UXS1: variants seen among roughly 807,000 people sequenced by gnomAD.
UXS1 encodes the protein UDP-glucuronate decarboxylase 1, also known as UDP-glucuronic acid decarboxylase 1.
UXS1 carries 33 observed loss-of-function variants against 62.6 expected under a neutral mutation model. The ratio of observed to expected loss-of-function variants is 0.53; its 90% CI spans 0.40 to 0.70. The LOEUF (loss-of-function observed/expected upper bound fraction) is 0.70, where lower values mean the gene tolerates loss of function less well. UXS1 is among the 30% of genes least tolerant of loss of function. UXS1 has a pLI of 0.00. For synonymous variants in UXS1, 213 were observed against 206.8 expected (o/e 1.03, Z -0.26); for missense variants, 434 against 556.3 (o/e 0.78, Z 2.21).
At chr2:106,112,545 A>C in intron 10 of UXS1, 101 bp downstream of exon 10, 1 of 1,504,922 alleles carries the variant, frequency 6.6e-7, no homozygotes, top group Non-Finnish European at 8.9e-7. Context: ...GCAGCTTCAG[A>C]AGTGTCACTC....
chr2:106,164,049 C>T (rs1665797979), intron 3 of UXS1, among the ~76,000 whole-genome samples: 1 of 152,198 alleles, frequency 6.6e-6, no homozygotes, highest in Non-Finnish European at 1.5e-5. Flanking sequence ...AAGCATGGCC[C>T]ACAAAAGCTT....
At chr2:106,166,495 C>T in intron 1 of UXS1, 1 of 161,882 alleles carries the variant, frequency 6.2e-6, no homozygotes. Flanking sequence ...GTTGAGGCAG[C>T]TGGGCAGAAA....
At chr2:106,153,764 C>T (rs1682216775) in intron 5 of UXS1, among the ~76,000 whole-genome samples, 1 of 152,156 alleles carries the variant, frequency 6.6e-6, no homozygotes, top group Admixed American at 6.5e-5. Flanking sequence ...ACCAAAGCAA[C>T]CACTGTAAAT....
At chr2:106,098,888 T>C in intron 12 of UXS1, 115 bp from the exon 13 acceptor site, 1 of 838,144 alleles carries the variant, frequency 1.2e-6, no homozygotes, top group Non-Finnish European at 2.0e-6. Flanking sequence ...CTCCCTGCGC[T>C]GCTTCAGCAG....
chr2:106,147,798 G>A (rs577490674), intron 5 of UXS1, among the ~76,000 whole-genome samples: 1 of 152,232 alleles, frequency 6.6e-6, no homozygotes, highest in East Asian at 1.9e-4. Flanking sequence ...TGTGTTTCCT[G>A]GGGCTGCAGT....
chr2:106,137,343 C>G (rs1038058358), intron 6 of UXS1, among the ~76,000 whole-genome samples: 1 of 152,192 alleles, frequency 6.6e-6, no homozygotes, highest in Non-Finnish European at 1.5e-5. Context: ...TCAGCACAGA[C>G]CGGGTCAGTT....
intron 13 of UXS1, 109 bp downstream of exon 13, chr2:106,098,607 G>T: frequency 2.3e-6 from 2 of 887,666 alleles, no homozygotes; most frequent in South Asian, 1.6e-5. Context: ...GTTCTGCTTT[G>T]ATCCAATTCA....
intron 9 of UXS1, among the ~76,000 whole-genome samples, chr2:106,114,209 T>C (rs1030908472): frequency 2.0e-5 from 3 of 152,146 alleles, no homozygotes; most frequent in African/African-American, 7.2e-5. Flanking sequence ...TGCTGTGATA[T>C]GAAAAAGGGT....
At chr2:106,174,590 C>T (rs1683759491) in intron 1 of UXS1, among the ~76,000 whole-genome samples, 1 of 152,206 alleles carries the variant, frequency 6.6e-6, no homozygotes. Context: ...CTTGAAGGCC[C>T]GCATCAGCCA....
chr2:106,129,295 C>A (rs1489627057), intron 7 of UXS1, among the ~76,000 whole-genome samples: 2 of 152,154 alleles, frequency 1.3e-5, no homozygotes, highest in Non-Finnish European at 2.9e-5. Context: ...GCCACCACTG[C>A]CTCTTTCCAG....
intron 1 of UXS1, among the ~76,000 whole-genome samples, chr2:106,193,311 A>T (rs958120941): frequency 2.6e-5 from 4 of 152,098 alleles, no homozygotes; most frequent in Non-Finnish European, 5.9e-5. Flanking sequence ...TTCTAGTCCA[A>T]TTTTGCTACT....
intron 1 of UXS1, among the ~76,000 whole-genome samples, chr2:106,172,270 C>T (rs1395975576): frequency 2.0e-5 from 3 of 152,150 alleles, no homozygotes; most frequent in Admixed American, 2.0e-4. Flanking sequence ...AGTGTGCCCC[C>T]ATTCCTGCAA....
In UXS1 at chr2:106,093,443, G is replaced by C. The variant is rs1379681617; in HGVS notation, c.*583C>G. Reference sequence around the variant, plus strand: ...CACAGTAGTGATTTCAAATATCCTTGATCATGACCAACAGGAATATTTCAA... The same window carrying C: ...CACAGTAGTGATTTCAAATATCCTTCATCATGACCAACAGGAATATTTCAA... On this transcript the variant is annotated 3_prime_UTR_variant, in exon 15 of 15. Transcript: ENST00000283148. 1.4e-5 allele frequency: 2 copies of C among 147,102 alleles called. No individual in the cohort carries two copies. The highest frequency in any genetic ancestry group is 3.0e-5 in the Non-Finnish European group (2 of 67,368). The allele number at this position is 147,102 out of a possible 1,614,324, so 9.1% of individuals were successfully genotyped here.
At chr2:106,127,389 T>C (rs1680048147) in intron 7 of UXS1, among the ~76,000 whole-genome samples, 1 of 152,242 alleles carries the variant, frequency 6.6e-6, no homozygotes, top group Admixed American at 6.5e-5. Context: ...TAGTTTTCTC[T>C]GAACTTTGGT....
intron 4 of UXS1, among the ~76,000 whole-genome samples, chr2:106,160,976 T>A (rs1370554006): frequency 6.6e-6 from 1 of 152,194 alleles, no homozygotes; most frequent in Non-Finnish European, 1.5e-5. Context: ...CATACAAAGC[T>A]GAAAAACAGG....
chr2:106,093,989 T>C lies in UXS1; in HGVS notation c.*37A>G. ...AAAGCCAAAAATACATCCCATCAAG[T>C]GTACAATGGTAGTCTTGTGTCCTAA... On this transcript the variant is annotated 3_prime_UTR_variant, in exon 15 of 15. Coordinates refer to ENST00000283148, the MANE Select transcript of UXS1 (RefSeq NM_001253875.2). 1 of 1,542,740 alleles carries C rather than the reference T, an allele frequency of 6.5e-7. No individual in the cohort carries two copies. The highest frequency in any genetic ancestry group is 1.3e-5 in the South Asian group (1 of 79,808).
In UXS1 at chr2:106,174,888, A is replaced by T. The variant is rs74791537; in HGVS notation, c.95-8805T>A. Among the ~76,000 whole-genome samples, 517 of 152,338 alleles carry T rather than the reference A, an allele frequency of 3.4e-3. 12 individuals are homozygous for T. In the East Asian group the frequency reaches 0.059, roughly 17 times the overall value. ...TCCCTGGGCCACCCTTCCAAAAGTTAGGCCTCAGTCCAAGGCCTGCATGAC... is the reference window on the plus strand; with the variant it reads ...TCCCTGGGCCACCCTTCCAAAAGTTTGGCCTCAGTCCAAGGCCTGCATGAC... On this transcript the variant is annotated intron_variant, in intron 1 of 14. Coordinates refer to ENST00000283148, the MANE Select transcript of UXS1 (RefSeq NM_001253875.2).
chr2:106,100,884 T>C, intron 12 of UXS1, 174 bp downstream of exon 12: 1 of 794,576 alleles, frequency 1.3e-6, no homozygotes, highest in Non-Finnish European at 2.0e-6. Context: ...TTTTACTTCT[T>C]TGTATACTCT....
chr2:106,158,005 G>GA (rs921224867), intron 5 of UXS1, 53 bp downstream of exon 5: 2 of 1,439,892 alleles, frequency 1.4e-6, no homozygotes, highest in Middle Eastern at 1.9e-4. Context: ...ATCTCTCAAC[G>GA]AAAAAAGAAA....
Sources: allele counts gnomAD v4.1 joint callset (sites outside exome capture counted in the v4.1 genomes callset), GRCh38; gene constraint gnomAD v4.1.1; transcripts MANE v1.5; gene names NCBI Gene and HGNC (gene_info 2026-07-23, HGNC 2026-07-21).